The following PRKCE variants were observed in gnomAD, a reference collection of about 807,000 sequenced individuals.
PRKCE encodes the protein protein kinase C epsilon, also known as protein kinase C epsilon type.
A neutral mutation model predicts 85.4 loss-of-function variants in PRKCE; 16 were observed. That is an observed-to-expected ratio of 0.19 (90% CI 0.13 to 0.28). The LOEUF is 0.28. PRKCE is among the 10% of genes least tolerant of loss of function. PRKCE has a pLI of 1.00. For missense variants in PRKCE, 573 were observed against 975.2 expected (o/e 0.59, Z 5.49); for synonymous variants, 388 against 371.5 (o/e 1.04, Z -0.51).
chr2:45,903,915 G>GTTTGTTTT (rs1558815186), intron 2 of PRKCE, among the ~76,000 whole-genome samples: 12 of 93,656 alleles, frequency 1.3e-4, no homozygotes, highest in East Asian at 1.0e-3. Flanking sequence ...TTGTTTGTTT[G>GTTTGTTTT]TTTTTTTTGG....
At chr2:45,756,195 C>T (rs535381072) in intron 1 of PRKCE, among the ~76,000 whole-genome samples, 2 of 152,232 alleles carry the variant, frequency 1.3e-5, no homozygotes, top group South Asian at 4.2e-4. Flanking sequence ...TAAACATTTG[C>T]TTATCAGATG....
intron 1 of PRKCE, among the ~76,000 whole-genome samples, chr2:45,784,671 TCAAA>T (rs1686457884): frequency 6.6e-6 from 1 of 152,190 alleles, no homozygotes; most frequent in South Asian, 2.1e-4. Context: ...TTGAAAAATT[TCAAA>T]CACTTACAAA....
chr2:46,135,228 C>A (rs1558490643), intron 11 of PRKCE, among the ~76,000 whole-genome samples: 1 of 152,220 alleles, frequency 6.6e-6, no homozygotes, highest in Non-Finnish European at 1.5e-5. Flanking sequence ...ATCTTATAAG[C>A]ATGTTTCCAT....
intron 1 of PRKCE, among the ~76,000 whole-genome samples, chr2:45,674,262 A>C (rs551124498): frequency 6.6e-6 from 1 of 152,174 alleles, no homozygotes; most frequent in African/African-American, 2.4e-5. Context: ...GGCTGAGTAT[A>C]AACTCATTTA....
intron 1 of PRKCE, among the ~76,000 whole-genome samples, chr2:45,799,554 A>AC (rs1319897442): frequency 2.6e-5 from 4 of 152,230 alleles, no homozygotes; most frequent in African/African-American, 9.6e-5. Flanking sequence ...ACGTAGCAAG[A>AC]CCCTGTCTCT....
At chr2:45,836,152 T>G (rs1350062069) in intron 1 of PRKCE, among the ~76,000 whole-genome samples, 1 of 152,242 alleles carries the variant, frequency 6.6e-6, no homozygotes, top group Non-Finnish European at 1.5e-5. Flanking sequence ...TGTAGAAATC[T>G]GTATTGAATC....
At chr2:45,834,179 C>G (rs1028815070) in intron 1 of PRKCE, among the ~76,000 whole-genome samples, 3 of 152,128 alleles carry the variant, frequency 2.0e-5, no homozygotes, top group Admixed American at 1.3e-4. Flanking sequence ...GGCCTCTGGT[C>G]CAGCCAACAA....
At chr2:45,984,762 C>G (rs997631634) in intron 6 of PRKCE, 82 bp downstream of exon 6, 8 of 1,518,962 alleles carry the variant, frequency 5.3e-6, no homozygotes, top group African/African-American at 4.1e-5. Flanking sequence ...TATAAAAAAC[C>G]CTTGTCTGAT....
rs183306590 is a variant in PRKCE at position 45,895,784 on chromosome 2, G to A, written c.412+52721G>A. 1.5e-3 allele frequency among the ~76,000 whole-genome samples: 220 copies of A among 151,682 alleles called. 1 individual carries two copies. Among genetic ancestry groups the A allele is most frequent in the Admixed American group, 0.012 (176 of 15,294 alleles). On this transcript the variant is annotated intron_variant, in intron 2 of 14. Transcript: ENST00000306156. This position sits in a 1 kb window ranked among gnomAD's most constrained non-coding sequence, Gnocchi z 4.8. The stretch of plus-strand genomic sequence containing the variant: ...GTAGGAAAGCAGGAATCAGCTCAGT[G>A]AGGCAGGAATCTACGCAGGTGCGCA...
intron 2 of PRKCE, among the ~76,000 whole-genome samples, chr2:45,936,564 C>T (rs1203951056): frequency 2.0e-5 from 3 of 152,126 alleles, no homozygotes; most frequent in Non-Finnish European, 4.4e-5. Flanking sequence ...GACTAGTGTG[C>T]CCCCGTGTGG....
At chr2:45,978,473 T>A (rs1415152619) in intron 3 of PRKCE, 1 of 153,732 alleles carries the variant, frequency 6.5e-6, no homozygotes, top group African/African-American at 2.4e-5. Flanking sequence ...CTAGACAACC[T>A]CTTGAACCTC....
chr2:45,791,178 C>G (rs1448914960), intron 1 of PRKCE, among the ~76,000 whole-genome samples: 1 of 152,154 alleles, frequency 6.6e-6, no homozygotes, highest in Admixed American at 6.6e-5. Flanking sequence ...GTTTCTGTGC[C>G]CTGCTGAACC....
chr2:45,724,076 C>T (rs1414433479), intron 1 of PRKCE, among the ~76,000 whole-genome samples: 2 of 152,198 alleles, frequency 1.3e-5, no homozygotes, highest in African/African-American at 4.8e-5. Context: ...TATATGCAGG[C>T]ACACCTTGTT....
intron 1 of PRKCE, among the ~76,000 whole-genome samples, chr2:45,727,073 G>C (rs889099625): frequency 6.6e-6 from 1 of 152,170 alleles, no homozygotes; most frequent in Non-Finnish European, 1.5e-5. Context: ...TCTAGATAAA[G>C]ATGTATACCT....
At chr2:46,140,752 A>G (rs1675433295) in intron 11 of PRKCE, among the ~76,000 whole-genome samples, 2 of 152,182 alleles carry the variant, frequency 1.3e-5, no homozygotes, top group African/African-American at 4.8e-5. Context: ...AACTGGGATA[A>G]GTATTTGCAA....
chr2:46,058,142 C>G (rs1666769796), intron 10 of PRKCE, among the ~76,000 whole-genome samples: 1 of 152,196 alleles, frequency 6.6e-6, no homozygotes, highest in South Asian at 2.1e-4. Context: ...TAGTTCTGTT[C>G]CCATTCGGTA....
chr2:46,019,169 A>G lies in PRKCE; in HGVS notation c.1437+8652A>G, dbSNP rs147279656. Reference sequence around the variant, plus strand: ...TGATTTTGTTCAATGTCATTTCTTTATAACATTAATGAGAAAAATATCAAT... The same window carrying G: ...TGATTTTGTTCAATGTCATTTCTTTGTAACATTAATGAGAAAAATATCAAT... On this transcript the variant is annotated intron_variant, in intron 10 of 14. Coordinates refer to ENST00000306156, the MANE Select transcript of PRKCE (RefSeq NM_005400.3). Among the ~76,000 whole-genome samples, 382 of 152,374 alleles carry G rather than the reference A, an allele frequency of 2.5e-3. 2 individuals carry two copies. The highest frequency in any genetic ancestry group is 9.0e-3 in the African/African-American group (374 of 41,588).
chr2:46,061,387 A>G (rs1398564180), intron 10 of PRKCE, among the ~76,000 whole-genome samples: 1 of 152,018 alleles, frequency 6.6e-6, no homozygotes, highest in East Asian at 1.9e-4. Flanking sequence ...TTGGGGTTAC[A>G]GGCGTGAGCC....
intron 1 of PRKCE, among the ~76,000 whole-genome samples, chr2:45,737,849 C>G (rs1682213756): frequency 6.6e-6 from 1 of 152,172 alleles, no homozygotes; most frequent in African/African-American, 2.4e-5. Flanking sequence ...ACATTTCAAC[C>G]TGGACATCGC....
Sources: gnomAD v4.1 joint callset for allele counts (sites outside exome capture counted in the v4.1 genomes callset) on GRCh38, gnomAD v4.1.1 for gene constraint, Gnocchi (gnomAD v3.1) non-coding constraint, MANE v1.5 for transcripts, NCBI Gene and HGNC (gene_info 2026-07-23, HGNC 2026-07-21) for gene names.